The following UBE2E2 variants were observed in gnomAD, a reference collection of about 807,000 sequenced individuals.
The protein encoded by UBE2E2 is ubiquitin-conjugating enzyme E2 E2.
UBE2E2 carries 6 observed loss-of-function variants against 24.7 expected under a neutral mutation model. The observed-to-expected ratio is 0.24, with a 90% confidence interval of 0.13 to 0.48. UBE2E2 has a LOEUF of 0.48. Ranked by LOEUF, UBE2E2 falls within the 20% of genes least tolerant of loss-of-function variation. UBE2E2 has a pLI of 0.99. For missense variants in UBE2E2, 169 were observed against 245.0 expected, an observed-to-expected ratio of 0.69 and a Z score of 2.07; for synonymous variants, 104 against 83.6, an observed-to-expected ratio of 1.24 and a Z score of -1.33.
At chr3:23,519,759 C>T (rs961571354) in intron 4 of UBE2E2, among the ~76,000 whole-genome samples, 2 of 152,120 alleles carry the variant, frequency 1.3e-5, no homozygotes, top group Admixed American at 1.3e-4. Flanking sequence ...TCACTGCAGC[C>T]TCAACCTTGT....
At chr3:23,450,024 T>A in intron 3 of UBE2E2, 2 of 697,290 alleles carry the variant, frequency 2.9e-6, no homozygotes, top group Non-Finnish European at 3.5e-6. Flanking sequence ...CCTCAGCAAT[T>A]TTTTCATTTA....
intron 4 of UBE2E2, among the ~76,000 whole-genome samples, chr3:23,513,220 CTTTTTAAATTAGTT>C (rs1264210675): frequency 6.6e-6 from 1 of 151,988 alleles, no homozygotes; most frequent in Non-Finnish European, 1.5e-5. Flanking sequence ...AACTATTTTT[CTTTTTAAATTAGTT>C]TTAAATAGGT....
chr3:23,371,324 T>C (rs1382894527), intron 3 of UBE2E2, among the ~76,000 whole-genome samples: 1 of 152,138 alleles, frequency 6.6e-6, no homozygotes, highest in African/African-American at 2.4e-5. Context: ...AGCCACCCTG[T>C]CCAGCCTGTT....
At chr3:23,225,177 A>G (rs1696784653) in intron 3 of UBE2E2, among the ~76,000 whole-genome samples, 1 of 151,838 alleles carries the variant, frequency 6.6e-6, no homozygotes. Context: ...TTTTCAAAAT[A>G]CATTTTGGAT....
intron 3 of UBE2E2, among the ~76,000 whole-genome samples, chr3:23,285,587 CT>C (rs1248183587): frequency 6.6e-6 from 1 of 152,102 alleles, no homozygotes; most frequent in African/African-American, 2.4e-5. Flanking sequence ...TGAGATGATA[CT>C]TTATTGTCGT....
intron 3 of UBE2E2, among the ~76,000 whole-genome samples, chr3:23,477,437 C>T (rs1212824243): frequency 6.6e-6 from 1 of 152,148 alleles, no homozygotes; most frequent in African/African-American, 2.4e-5. Context: ...CATTATTTCT[C>T]ACAATCAGTA....
chr3:23,234,052 CT>C (rs1697036277), intron 3 of UBE2E2, among the ~76,000 whole-genome samples: 1 of 151,928 alleles, frequency 6.6e-6, no homozygotes, highest in South Asian at 2.1e-4. Context: ...CCAGATGTAT[CT>C]TAACTTTGAG....
At chr3:23,234,452 T>C (rs1454409898) in intron 3 of UBE2E2, among the ~76,000 whole-genome samples, 1 of 152,194 alleles carries the variant, frequency 6.6e-6, no homozygotes, top group African/African-American at 2.4e-5. Context: ...AGCTCCTCCA[T>C]GGTCAGCCCC....
At chr3:23,485,172 GC>G (rs1699337635) in intron 3 of UBE2E2, among the ~76,000 whole-genome samples, 1 of 142,380 alleles carries the variant, frequency 7.0e-6, no homozygotes, top group South Asian at 2.2e-4. Context: ...TTGGCTCACT[GC>G]AACCTCCACC....
chr3:23,527,229 A>AC (rs1317103805), intron 4 of UBE2E2, among the ~76,000 whole-genome samples: 1 of 152,212 alleles, frequency 6.6e-6, no homozygotes, highest in Non-Finnish European at 1.5e-5. Flanking sequence ...AAATGGTACA[A>AC]CCACTCTGGG....
At chr3:23,338,389 G>A (rs549122463) in intron 3 of UBE2E2, among the ~76,000 whole-genome samples, 4 of 152,256 alleles carry the variant, frequency 2.6e-5, no homozygotes, top group African/African-American at 9.6e-5. Flanking sequence ...ATTAGAATTT[G>A]AGATATCAGT....
At chr3:23,310,996 A>G (rs894689452) in intron 3 of UBE2E2, among the ~76,000 whole-genome samples, 29 of 151,990 alleles carry the variant, frequency 1.9e-4, no homozygotes, top group Admixed American at 3.9e-4. Context: ...TCCTAGTGCT[A>G]TCCCTCCCTC....
intron 3 of UBE2E2, among the ~76,000 whole-genome samples, chr3:23,284,376 A>T (rs1698560718): frequency 6.6e-6 from 1 of 152,132 alleles, no homozygotes; most frequent in South Asian, 2.1e-4. Flanking sequence ...GACAGTTATC[A>T]TGAGAGTTTG....
At chr3:23,229,167 A>G (rs981860454) in intron 3 of UBE2E2, among the ~76,000 whole-genome samples, 15 of 152,248 alleles carry the variant, frequency 9.9e-5, no homozygotes, top group African/African-American at 2.4e-4. Flanking sequence ...AATTAATTAT[A>G]GTAGGGAGCT....
At chr3:23,325,499 A>G (rs1694860801) in intron 3 of UBE2E2, among the ~76,000 whole-genome samples, 1 of 152,228 alleles carries the variant, frequency 6.6e-6, no homozygotes, top group East Asian at 1.9e-4. Flanking sequence ...TTTAGTATAC[A>G]GAAAACATTA....
At chr3:23,437,498 C>A (rs1288846406) in intron 3 of UBE2E2, among the ~76,000 whole-genome samples, 1 of 152,168 alleles carries the variant, frequency 6.6e-6, no homozygotes, top group Non-Finnish European at 1.5e-5. Context: ...TTATAAGAAT[C>A]TCTGGCATAT....
At chr3:23,411,956 G>A (rs1322074167) in intron 3 of UBE2E2, among the ~76,000 whole-genome samples, 1 of 152,134 alleles carries the variant, frequency 6.6e-6, no homozygotes, top group Admixed American at 6.6e-5. Flanking sequence ...ACAGTTGCTT[G>A]TCTACAATGT....
chr3:23,337,495 T>G (rs1035670705), intron 3 of UBE2E2, among the ~76,000 whole-genome samples: 1 of 152,210 alleles, frequency 6.6e-6, no homozygotes, highest in African/African-American at 2.4e-5. Context: ...CAGATGAGTT[T>G]AGCACAAATT....
intron 3 of UBE2E2, among the ~76,000 whole-genome samples, chr3:23,351,483 G>A (rs1036879133): frequency 1.3e-5 from 2 of 152,170 alleles, no homozygotes; most frequent in Non-Finnish European, 2.9e-5. Flanking sequence ...CTGTATTCAG[G>A]AAACCCATCT....
Sources: gnomAD v4.1 joint callset for allele counts (sites outside exome capture counted in the v4.1 genomes callset) on GRCh38, gnomAD v4.1.1 for gene constraint, MANE v1.5 for transcripts, NCBI Gene and HGNC (gene_info 2026-07-23, HGNC 2026-07-21) for gene names.